AFDN: variants seen among roughly 807,000 people sequenced by gnomAD.
The protein encoded by AFDN is afadin, adherens junction formation factor.
A neutral mutation model predicts 216.6 loss-of-function variants in AFDN; 68 were observed. The observed-to-expected ratio is 0.31, with a 90% CI of 0.26 to 0.38. The LOEUF (loss-of-function observed/expected upper bound fraction) is 0.38, where lower values mean the gene tolerates loss of function less well. AFDN is among the 10% of genes least tolerant of loss of function. The pLI, the probability that AFDN is intolerant of heterozygous loss-of-function variation, is 1.00. For synonymous variants in AFDN, 868 were observed against 853.7 expected, an observed-to-expected ratio of 1.02 and a Z score of -0.29; for missense variants, 2,136 against 2,342.0, an observed-to-expected ratio of 0.91 and a Z score of 1.82.
At position 167,836,725 on chromosome 6, in the gene AFDN, G is replaced by A. The variant is rs1026415335; in HGVS notation, c.105+9488G>A. Among the ~76,000 whole-genome samples the A allele has an allele frequency of 5.9e-5, 9 of 152,120 alleles. No individual in the cohort carries two copies. The South Asian group carries it at 1.7e-3, about 28-fold the overall frequency. Reference sequence around the variant, plus strand: ...GTCACCAATTTAATTGTTATAGATAGCATTACTAAACTATTATGATGGTAC... The same window carrying A: ...GTCACCAATTTAATTGTTATAGATAACATTACTAAACTATTATGATGGTAC... On this transcript the variant is annotated intron_variant, in intron 1 of 33. Coordinates refer to ENST00000683244, the MANE Select transcript of AFDN (RefSeq NM_001386888.1).
intron 6 of AFDN, among the ~76,000 whole-genome samples, chr6:167,882,137 A>G (rs562373144): frequency 1.3e-5 from 2 of 152,160 alleles, no homozygotes; most frequent in Non-Finnish European, 2.9e-5. Flanking sequence ...TACAGAGATA[A>G]AGAAAATAGT....
At chr6:167,870,547 G>A (rs748337453) in intron 3 of AFDN, 49 bp downstream of exon 3, 3 of 1,153,074 alleles carry the variant, frequency 2.6e-6, no homozygotes, top group Non-Finnish European at 3.8e-6. Context: ...GGCCAGGTCT[G>A]ACTGATAAAC....
At chr6:167,923,516 A>G (rs1163184948) in intron 22 of AFDN, among the ~76,000 whole-genome samples, 1 of 152,130 alleles carries the variant, frequency 6.6e-6, no homozygotes. Flanking sequence ...AGGTTTGAGC[A>G]TCATATCATG....
chr6:167,918,524 G>A (rs1791389457), intron 20 of AFDN, among the ~76,000 whole-genome samples: 1 of 152,166 alleles, frequency 6.6e-6, no homozygotes, highest in African/African-American at 2.4e-5. Flanking sequence ...TATAAAATGT[G>A]TGCGGCCCAG....
intron 21 of AFDN, among the ~76,000 whole-genome samples, chr6:167,921,066 A>G (rs1234718948): frequency 6.6e-6 from 1 of 152,246 alleles, no homozygotes; most frequent in African/African-American, 2.4e-5. Context: ...AGCACCTCAC[A>G]TGGGCCTGCT....
chr6:167,851,880 A>T (rs569114271), intron 1 of AFDN, among the ~76,000 whole-genome samples: 55 of 152,116 alleles, frequency 3.6e-4, no homozygotes, highest in Admixed American at 1.9e-3. Flanking sequence ...GCGCATTTTT[A>T]AAAAAAACAG....
rs74563197 is a variant in AFDN, at chr6:167,919,167, C to T, written c.2908+234C>T. On this transcript the variant is annotated intron_variant, in intron 21 of 33. Transcript: ENST00000683244. Reference sequence around the variant, plus strand: ...GACCCTGTAGTGAGCATCTGCTCTGCGCACTTGATGTCATGGTTACATTTT... The same window carrying T: ...GACCCTGTAGTGAGCATCTGCTCTGTGCACTTGATGTCATGGTTACATTTT... 5.1e-4 allele frequency among the ~76,000 whole-genome samples: 78 copies of T among 152,336 alleles called. 1 individual carries two copies. In the East Asian group the frequency reaches 0.012, roughly 24 times the overall value.
intron 23 of AFDN, among the ~76,000 whole-genome samples, chr6:167,936,127 T>G (rs546034375): frequency 6.6e-6 from 1 of 152,328 alleles, no homozygotes; most frequent in Non-Finnish European, 1.5e-5. Flanking sequence ...CACATTCTTT[T>G]TTCCATACTA....
chr6:167,960,510 T>C (rs1433707303), intron 30 of AFDN, among the ~76,000 whole-genome samples: 3 of 152,240 alleles, frequency 2.0e-5, no homozygotes, highest in Non-Finnish European at 4.4e-5. Context: ...GGCTAGAAAA[T>C]ATTAACATAA....
chr6:167,948,209 T>A (rs979316625), intron 28 of AFDN, 84 bp from the exon 29 acceptor site: 9 of 1,219,324 alleles, frequency 7.4e-6, no homozygotes, highest in African/African-American at 1.5e-5. Flanking sequence ...TACTATTTTT[T>A]AAATTTTAAA....
At chr6:167,841,306 C>G (rs946287820) in intron 1 of AFDN, among the ~76,000 whole-genome samples, 1 of 152,078 alleles carries the variant, frequency 6.6e-6, no homozygotes, top group African/African-American at 2.4e-5. Context: ...GGAAGAGAGC[C>G]AGGGGATTCA....
chr6:167,887,307 T>G (rs1387201708), intron 6 of AFDN, among the ~76,000 whole-genome samples: 1 of 152,188 alleles, frequency 6.6e-6, no homozygotes, highest in East Asian at 1.9e-4. Context: ...CATTTGATAA[T>G]TTCCATTGAG....
intron 23 of AFDN, among the ~76,000 whole-genome samples, 178 bp downstream of exon 23, chr6:167,925,269 C>T (rs1405663541): frequency 6.6e-6 from 1 of 152,044 alleles, no homozygotes; most frequent in African/African-American, 2.4e-5. Context: ...GCTCACTGGG[C>T]CCAATTAGTT....
At position 167,971,180 on chromosome 6, in the gene AFDN, A is replaced by G. The variant is rs1156548111; in HGVS notation, c.*1245A>G. On this transcript the variant is annotated 3_prime_UTR_variant, in exon 34 of 34. Coordinates refer to ENST00000683244, the MANE Select transcript of AFDN (RefSeq NM_001386888.1). ...TGACAAAGCCCTTGGTGGAGTCCAAATGATTTTTCTGTACCATATTGTTCT... is the reference window on the plus strand; with the variant it reads ...TGACAAAGCCCTTGGTGGAGTCCAAGTGATTTTTCTGTACCATATTGTTCT... 4.5e-6 allele frequency: 1 copy of G among 220,784 alleles called. No homozygotes were observed. Among genetic ancestry groups the G allele is most frequent in the Non-Finnish European group, 9.1e-6 (1 of 110,400 alleles). 13.7% of individuals were successfully genotyped at this position (220,784 alleles called of 1,614,324 possible).
intron 1 of AFDN, among the ~76,000 whole-genome samples, chr6:167,861,295 A>C (rs1783539803): frequency 6.6e-6 from 1 of 152,256 alleles, no homozygotes; most frequent in Non-Finnish European, 1.5e-5. Context: ...GTGTGATGTC[A>C]AACTAAATTA....
chr6:167,942,858 G>A (rs1484248673), intron 23 of AFDN, among the ~76,000 whole-genome samples: 2 of 152,152 alleles, frequency 1.3e-5, no homozygotes, highest in Non-Finnish European at 2.9e-5. Context: ...TATCATGCAG[G>A]TAGTTTTTAG....
In AFDN at chr6:167,875,460, A is replaced by G; in HGVS notation, c.704A>G (p.Gln235Arg). ...CAGCAAAAATTGGAAAAGAGAATGC[A>G]GGAATTTCGGAGCTCAGATGGGCGG... ...RRQQKLEKRM[Q>R]EFRSSDGRPD... Residue 235 changes from glutamine to arginine, a missense_variant, in exon 5 of 34, where the codon CAG becomes CGG. This residue lies in a region of AFDN where 817 missense variants were observed against 965.7 expected (regional missense o/e 0.85). Transcript: ENST00000683244. 6.2e-7 allele frequency: 1 copy of G among 1,614,034 alleles called. No individual in the cohort carries two copies. Among genetic ancestry groups the G allele is most frequent in the Non-Finnish European group, 8.5e-7 (1 of 1,179,916 alleles).
chr6:167,830,734 A>C (rs907109707), intron 1 of AFDN, among the ~76,000 whole-genome samples: 1 of 152,174 alleles, frequency 6.6e-6, no homozygotes, highest in Non-Finnish European at 1.5e-5. Flanking sequence ...TTACATTTTA[A>C]TACTCTGATT....
chr6:167,856,164 T>C (rs1583172584), intron 1 of AFDN, among the ~76,000 whole-genome samples: 1 of 152,260 alleles, frequency 6.6e-6, no homozygotes, highest in Middle Eastern at 3.4e-3. Flanking sequence ...ACAGAACTTG[T>C]GTTCAAGTAG....
Sources: gnomAD v4.1 joint callset for allele counts (sites outside exome capture counted in the v4.1 genomes callset) on GRCh38, gnomAD v4.1.1 for gene constraint, gnomAD v4.1.1 regional missense constraint, MANE v1.5 for transcripts, NCBI Gene and HGNC (gene_info 2026-07-23, HGNC 2026-07-21) for gene names.